Variants in EFCAB5 observed in about 807,000 individuals in gnomAD.
EFCAB5 encodes EF-hand calcium-binding domain-containing protein 5.
Under a neutral mutation model 167.9 loss-of-function variants are expected in EFCAB5, and 131 were observed. That is an observed-to-expected ratio of 0.78 (90% CI 0.68 to 0.90). The LOEUF (loss-of-function observed/expected upper bound fraction) is 0.90, where lower values mean the gene tolerates loss of function less well. EFCAB5 is among the 40% of genes least tolerant of loss of function. The pLI is 0.00. For missense variants in EFCAB5, 1,663 were observed against 1,745.2 expected, an observed-to-expected ratio of 0.95 and a Z score of 0.84; for synonymous variants, 574 against 602.8, an observed-to-expected ratio of 0.95 and a Z score of 0.70.
At chr17:30,077,039 C>T (rs1180739308) in intron 14 of EFCAB5, among the ~76,000 whole-genome samples, 1 of 152,200 alleles carries the variant, frequency 6.6e-6, no homozygotes, top group Non-Finnish European at 1.5e-5. Flanking sequence ...ACAGTGGCTA[C>T]ACCTGTAATC....
chr17:30,076,543 C>T lies in EFCAB5; in HGVS notation c.2738-1672C>T, dbSNP rs189906927. On this transcript the variant is annotated intron_variant, in intron 14 of 22. Transcript: ENST00000394835. ...AAACTCACACATGATGTGATGTCTG[C>T]GAGTGCCAGGTAGTATTTGTTAATT... is the stretch of plus-strand genomic sequence containing the variant. 4.6e-5 allele frequency among the ~76,000 whole-genome samples: 7 copies of T among 152,262 alleles called. No homozygotes were observed. The East Asian group carries it at 5.8e-4, about 13-fold the overall frequency.
intron 3 of EFCAB5, among the ~76,000 whole-genome samples, chr17:29,954,681 C>T (rs1326042884): frequency 6.6e-6 from 1 of 152,300 alleles, no homozygotes; most frequent in Admixed American, 6.5e-5. Flanking sequence ...CCTGCTGGGG[C>T]ACCACCTAGT....
chr17:29,961,292 A>G (rs561266473), intron 3 of EFCAB5, among the ~76,000 whole-genome samples: 2 of 152,134 alleles, frequency 1.3e-5, no homozygotes, highest in African/African-American at 4.8e-5. Context: ...TCCTTTGCCC[A>G]TTTTTGAATT....
At chr17:30,054,271 C>A (rs1037776522) in intron 10 of EFCAB5, 123 bp downstream of exon 10, 3 of 1,283,470 alleles carry the variant, frequency 2.3e-6, no homozygotes, top group Non-Finnish European at 3.1e-6. Context: ...ATGCAAACCT[C>A]AGGCATATTT....
At chr17:29,985,932 G>A (rs1430640904) in intron 4 of EFCAB5, among the ~76,000 whole-genome samples, 1 of 152,180 alleles carries the variant, frequency 6.6e-6, no homozygotes, top group Non-Finnish European at 1.5e-5. Flanking sequence ...AAAAGCAAAG[G>A]CGGCTTTATC....
chr17:30,106,452 AATTATT>A (rs1035550748), intron 22 of EFCAB5, among the ~76,000 whole-genome samples: 2 of 151,574 alleles, frequency 1.3e-5, no homozygotes, highest in African/African-American at 2.4e-5. Context: ...GAAAGGGGGT[AATTATT>A]ATTATTATTA....
chr17:30,026,557 A>C lies in EFCAB5; in HGVS notation c.1045-7673A>C, dbSNP rs1405710161. Among the ~76,000 whole-genome samples the C allele has an allele frequency of 2.6e-5, 4 of 152,332 alleles. No individual in the cohort carries two copies. The East Asian group carries it at 7.7e-4, about 29-fold the overall frequency. Reference sequence around the variant, plus strand: ...TCAAACGTCATTAATGTAGTTATTAAAAATTTAATTAACTTTTTAGGTAGG... The same window carrying C: ...TCAAACGTCATTAATGTAGTTATTACAAATTTAATTAACTTTTTAGGTAGG... On this transcript the variant is annotated intron_variant, in intron 7 of 22. Transcript: ENST00000394835.
At chr17:30,086,152 A>AT (rs539114525) in intron 18 of EFCAB5, among the ~76,000 whole-genome samples, 161 of 150,024 alleles carry the variant, frequency 1.1e-3, no homozygotes, top group Non-Finnish European at 1.8e-3. Context: ...TGCCCCAAGA[A>AT]TTTTTTTTTT....
At chr17:30,094,046 C>T (rs1377451513) in intron 22 of EFCAB5, among the ~76,000 whole-genome samples, 1 of 152,160 alleles carries the variant, frequency 6.6e-6, no homozygotes, top group Non-Finnish European at 1.5e-5. Flanking sequence ...TGAAATGTCA[C>T]CAATAATACC....
At position 30,085,803 on chromosome 17, in the gene EFCAB5, A is replaced by T. The variant is rs2071079182; in HGVS notation, c.3580-1260A>T. ...CAATCGTCAATGTGCGATAATCTTA[A>T]CAGTTTTCCAAGGATAACGTTGACA... On this transcript the variant is annotated intron_variant, in intron 18 of 22. Coordinates refer to ENST00000394835, the MANE Select transcript of EFCAB5 (RefSeq NM_198529.4). 3.3e-5 allele frequency among the ~76,000 whole-genome samples: 5 copies of T among 152,214 alleles called. No homozygotes were observed. In the South Asian group the frequency reaches 1.0e-3, roughly 32 times the overall value.
chr17:30,009,579 A>T (rs1431292476), intron 7 of EFCAB5, among the ~76,000 whole-genome samples: 1 of 152,238 alleles, frequency 6.6e-6, no homozygotes, highest in African/African-American at 2.4e-5. Flanking sequence ...ATTTCTTTTT[A>T]TTGCCAAATG....
At chr17:30,085,229 A>C (rs184091387) in intron 18 of EFCAB5, among the ~76,000 whole-genome samples, 1 of 152,172 alleles carries the variant, frequency 6.6e-6, no homozygotes, top group Non-Finnish European at 1.5e-5. Context: ...TAGAGGAAAA[A>C]AATTACTGCT....
rs2070370841 is a variant in EFCAB5, at chr17:30,059,629, C to T, written c.2665C>T (p.Leu889=). The change falls in exon 14 of 23, where the codon CTG becomes TTG. Residue 889 remains leucine (L), a synonymous_variant. Coordinates refer to ENST00000394835, the MANE Select transcript of EFCAB5 (RefSeq NM_198529.4). ...QKWDSDGSGF[L]DLKEVDELLY... ...GTGGGACAGTGATGGCTCAGGCTTC[C>T]TGGATCTGAAGGAAGTTGATGAACT... The T allele has an allele frequency of 1.2e-6, 2 of 1,612,936 alleles. No homozygotes were observed. Among genetic ancestry groups the T allele is most frequent in the Non-Finnish European group, 1.7e-6 (2 of 1,179,176 alleles).
intron 3 of EFCAB5, among the ~76,000 whole-genome samples, chr17:29,943,947 T>C (rs1046493789): frequency 9.2e-5 from 14 of 152,142 alleles, no homozygotes; most frequent in African/African-American, 2.9e-4. Context: ...CACTCCAGCC[T>C]GGGTGACAGA....
chr17:30,057,972 C>T (rs1396652210), intron 13 of EFCAB5, 82 bp downstream of exon 13: 1 of 1,304,758 alleles, frequency 7.7e-7, no homozygotes, highest in East Asian at 2.4e-5. Context: ...CCCGATGTGG[C>T]TCGTGTTAAA....
chr17:30,097,152 G>T (rs1190677329), intron 22 of EFCAB5, among the ~76,000 whole-genome samples: 2 of 150,832 alleles, frequency 1.3e-5, no homozygotes, highest in Non-Finnish European at 2.9e-5. Context: ...TGCCTCCCAG[G>T]TTCAAGCGAT....
chr17:29,941,989 A>T (rs995074964), intron 1 of EFCAB5, among the ~76,000 whole-genome samples, 151 bp downstream of exon 1: 2 of 152,206 alleles, frequency 1.3e-5, no homozygotes, highest in Non-Finnish European at 2.9e-5. Context: ...GAAATGCTGT[A>T]AAAGGGGTCA....
intron 14 of EFCAB5, among the ~76,000 whole-genome samples, chr17:30,076,280 G>A (rs1245266940): frequency 6.6e-6 from 1 of 152,180 alleles, no homozygotes; most frequent in Non-Finnish European, 1.5e-5. Flanking sequence ...CAAAAAGTCT[G>A]GCATTAGTCT....
In EFCAB5 at chr17:30,034,670, A is replaced by G. The variant is rs151135570; in HGVS notation, c.1200+285A>G. ...ATGCAAAAACAAAATGTAAACTAAA[A>G]GTAGGATGAAAGAAGAAAAAAATAA... is the stretch of plus-strand genomic sequence containing the variant. On this transcript the variant is annotated intron_variant, in intron 8 of 22. Transcript: ENST00000394835. Among the ~76,000 whole-genome samples the G allele has an allele frequency of 2.0e-5, 3 of 152,346 alleles. No individual in the cohort carries two copies. In the East Asian group the frequency reaches 5.8e-4, roughly 29 times the overall value.
Sources: gnomAD v4.1 joint callset for allele counts (sites outside exome capture counted in the v4.1 genomes callset) on GRCh38, gnomAD v4.1.1 for gene constraint, MANE v1.5 for transcripts, NCBI Gene and HGNC (gene_info 2026-07-23, HGNC 2026-07-21) for gene names.